Variants in TAF1B observed in about 807,000 individuals in gnomAD.
TAF1B encodes the protein TATA box-binding protein-associated factor RNA polymerase I subunit B.
In TAF1B, 61 loss-of-function variants were observed where a neutral mutation model predicts 83.9. The ratio of observed to expected loss-of-function variants is 0.73; its 90% CI spans 0.59 to 0.90. The LOEUF is 0.90. TAF1B is among the 40% of genes least tolerant of loss of function. The pLI is 0.00. For missense variants in TAF1B, 625 were observed against 677.0 expected (o/e 0.92, Z 0.85); for synonymous variants, 221 against 224.6 (o/e 0.98, Z 0.14).
chr2:9,929,497 C>T (rs1376966344), intron 14 of TAF1B, among the ~76,000 whole-genome samples: 3 of 152,118 alleles, frequency 2.0e-5, no homozygotes, highest in Non-Finnish European at 4.4e-5. Context: ...TATTGATTTG[C>T]GTATGTTGAA....
intron 5 of TAF1B, among the ~76,000 whole-genome samples, chr2:9,861,852 C>T (rs1351973970): frequency 6.6e-6 from 1 of 152,182 alleles, no homozygotes; most frequent in African/African-American, 2.4e-5. Flanking sequence ...GAGTGGACCT[C>T]CAGCAAACTC....
chr2:9,852,972 G>A lies in TAF1B; in HGVS notation c.303+1334G>A, dbSNP rs190312417. ...GGATGCTGGGCCTACCCTGAAAGGC[G>A]TTAAGAATTAAAAATTCAGAAGCAT... On this transcript the variant is annotated intron_variant, in intron 4 of 14. Coordinates refer to ENST00000263663, the MANE Select transcript of TAF1B (RefSeq NM_005680.3). Among the ~76,000 whole-genome samples the A allele has an allele frequency of 6.0e-3, 921 of 152,292 alleles. 8 individuals are homozygous for A. Among genetic ancestry groups the A allele is most frequent in the African/African-American group, 0.019 (801 of 41,556 alleles).
chr2:9,920,579 C>CG (rs1004901534), intron 14 of TAF1B, among the ~76,000 whole-genome samples: 11 of 96,434 alleles, frequency 1.1e-4, no homozygotes, highest in Non-Finnish European at 1.8e-4. Context: ...TAGACTGGGG[C>CG]GGGGGGCGGG....
chr2:9,919,667 G>T lies in TAF1B; in HGVS notation c.1412G>T (p.Ser471Ile). ...TCAACAGCAACTGCTGGAAAAAAAAGCCCTTCAAGTTTTCAGTTCAACTGG... is the reference window on the plus strand; with the variant it reads ...TCAACAGCAACTGCTGGAAAAAAAATCCCTTCAAGTTTTCAGTTCAACTGG... ...VESTATAGKK[S>I]PSSFQFNWTE... The change falls in exon 14 of 15, where the codon AGC becomes ATC. Residue 471 changes from serine (S) to isoleucine (I), a missense_variant. Physicochemically the swap from Ser to Ile is moderately radical, Grantham distance 142. Transcript: ENST00000263663. 3 of 1,614,096 alleles carry T rather than the reference G, an allele frequency of 1.9e-6. No homozygotes were observed. The highest frequency in any genetic ancestry group is 1.7e-6 in the Non-Finnish European group (2 of 1,180,008).
intron 14 of TAF1B, among the ~76,000 whole-genome samples, chr2:9,922,643 A>G (rs1331141017): frequency 6.6e-6 from 1 of 151,802 alleles, no homozygotes; most frequent in African/African-American, 2.4e-5. Context: ...ATATATTATT[A>G]TATATTTATT....
intron 5 of TAF1B, among the ~76,000 whole-genome samples, chr2:9,862,141 C>A (rs1339377569): frequency 6.6e-6 from 1 of 152,122 alleles, no homozygotes; most frequent in Non-Finnish European, 1.5e-5. Flanking sequence ...GATCAAACTA[C>A]TCCGAGCTAA....
chr2:9,845,532 A>G, intron 2 of TAF1B: 1 of 458,504 alleles, frequency 2.2e-6, no homozygotes, highest in Non-Finnish European at 4.0e-6. Context: ...GTTGGGCCAC[A>G]TTTATAAATG....
chr2:9,880,039 G>A (rs4669478), intron 7 of TAF1B, among the ~76,000 whole-genome samples: 36,841 of 151,990 alleles, frequency 0.24, 5,022 homozygotes, highest in East Asian at 0.31. Flanking sequence ...AAGGGTGGAA[G>A]CACGGAGACC....
chr2:9,850,079 C>T (rs144718966), intron 3 of TAF1B, among the ~76,000 whole-genome samples: 1,993 of 150,636 alleles, frequency 0.013, 19 homozygotes, highest in South Asian at 0.024. Flanking sequence ...TGAAATACAC[C>T]GACATTCTTA....
chr2:9,870,590 T>A (rs899239972), intron 6 of TAF1B, among the ~76,000 whole-genome samples: 2 of 152,222 alleles, frequency 1.3e-5, no homozygotes, highest in Admixed American at 6.5e-5. Context: ...ATCACGTGCT[T>A]CTAGTATTAC....
intron 14 of TAF1B, among the ~76,000 whole-genome samples, chr2:9,922,450 T>C (rs1665905053): frequency 6.6e-6 from 1 of 152,080 alleles, no homozygotes. Context: ...GAATGTTCTT[T>C]CCCCCATGTA....
chr2:9,843,874 G>A (rs1371995568), intron 1 of TAF1B: 2 of 219,522 alleles, frequency 9.1e-6, no homozygotes, highest in Non-Finnish European at 1.8e-5. Flanking sequence ...TCATCCTCGA[G>A]ACTGGACCAC....
At chr2:9,865,593 T>G (rs1663945205) in intron 5 of TAF1B, among the ~76,000 whole-genome samples, 1 of 152,124 alleles carries the variant, frequency 6.6e-6, no homozygotes, top group Non-Finnish European at 1.5e-5. Context: ...AAAACTAAAG[T>G]TCACATGGAA....
chr2:9,855,771 A>G (rs1248398882), intron 5 of TAF1B, among the ~76,000 whole-genome samples: 7 of 152,238 alleles, frequency 4.6e-5, no homozygotes, highest in African/African-American at 1.7e-4. Flanking sequence ...GGACACTTAC[A>G]TTAGACTACA....
In TAF1B at chr2:9,862,110, C is replaced by T. The variant is rs985269792; in HGVS notation, c.400-6166C>T. ...TGGAAGGAGAATGACATTGACGAGT[C>T]GAGAGAAGAAGGCTTCAGAAGATCA... is the stretch of plus-strand genomic sequence containing the variant. On this transcript the variant is annotated intron_variant, in intron 5 of 14. Coordinates refer to ENST00000263663, the MANE Select transcript of TAF1B (RefSeq NM_005680.3). 7.9e-5 allele frequency among the ~76,000 whole-genome samples: 12 copies of T among 151,944 alleles called. 1 individual carries two copies. Among genetic ancestry groups the T allele is most frequent in the African/African-American group, 1.7e-4 (7 of 41,344 alleles).
chr2:9,886,188 G>C (rs921182945), intron 8 of TAF1B, among the ~76,000 whole-genome samples: 8 of 151,370 alleles, frequency 5.3e-5, no homozygotes, highest in Non-Finnish European at 1.0e-4. Context: ...GGGATTAAGA[G>C]GGTAATCAAG....
intron 14 of TAF1B, among the ~76,000 whole-genome samples, chr2:9,930,218 G>T (rs1238441446): frequency 6.6e-6 from 1 of 151,888 alleles, no homozygotes; most frequent in East Asian, 1.9e-4. Flanking sequence ...CCTTCTGCTA[G>T]CTTTTGAATT....
intron 9 of TAF1B, among the ~76,000 whole-genome samples, chr2:9,906,086 A>G (rs866407783): frequency 1.3e-5 from 2 of 151,970 alleles, no homozygotes; most frequent in Non-Finnish European, 2.9e-5. Flanking sequence ...TCAAGTGTGG[A>G]AAGTTCCTGT....
intron 5 of TAF1B, among the ~76,000 whole-genome samples, chr2:9,859,386 AT>A (rs34951709): frequency 0.15 from 20,345 of 133,212 alleles, 1,291 homozygotes; most frequent in Middle Eastern, 0.22. Flanking sequence ...CACTATCAGC[AT>A]TTTTTTTTTT....
Sources: gnomAD v4.1 joint callset for allele counts (sites outside exome capture counted in the v4.1 genomes callset) on GRCh38, gnomAD v4.1.1 for gene constraint, MANE v1.5 for transcripts, NCBI Gene and HGNC (gene_info 2026-07-23, HGNC 2026-07-21) for gene names.